PMFBP1: variants seen among roughly 807,000 people sequenced by gnomAD.
PMFBP1 encodes polyamine-modulated factor 1-binding protein 1.
A neutral mutation model predicts 137.8 loss-of-function variants in PMFBP1; 131 were observed. The ratio of observed to expected loss-of-function variants is 0.95; its 90% CI spans 0.82 to 1.10. The LOEUF is 1.10. Ranked by LOEUF, PMFBP1 falls within the 50% of genes least tolerant of loss-of-function variation. PMFBP1 has a pLI of 0.00. For missense variants in PMFBP1, 1,199 were observed against 1,175.4 expected, an observed-to-expected ratio of 1.02 and a Z score of -0.29; for synonymous variants, 490 against 450.4, an observed-to-expected ratio of 1.09 and a Z score of -1.11.
downstream of PMFBP1, among the ~76,000 whole-genome samples, chr16:72,118,946 C>T (rs1009001106): frequency 2.6e-5 from 4 of 152,084 alleles, no homozygotes; most frequent in African/African-American, 9.7e-5. Context: ...GGTTTAAAAA[C>T]GAATCCAGAA....
chr16:72,236,454 C>A, the PMFBP1 span, among the ~76,000 whole-genome samples: 102 of 152,246 alleles, frequency 6.7e-4, no homozygotes, highest in Admixed American at 3.3e-3. Context: ...AAAAATGTAA[C>A]TATTTTTAAT....
the PMFBP1 span, among the ~76,000 whole-genome samples, chr16:72,249,055 G>A: frequency 6.6e-6 from 1 of 151,754 alleles, no homozygotes; most frequent in East Asian, 1.9e-4. Context: ...CTTTTTGGTT[G>A]TAAGCGATCA....
chr16:72,196,011 G>A, the PMFBP1 span, among the ~76,000 whole-genome samples: 1 of 151,806 alleles, frequency 6.6e-6, no homozygotes, highest in East Asian at 1.9e-4. Context: ...GTGTGTGTGT[G>A]TGTGTGTGTG....
chr16:72,171,325 A>C, intron 1 of PMFBP1, 57 bp from the exon 2 acceptor site: 1 of 1,232,220 alleles, frequency 8.1e-7, no homozygotes, highest in South Asian at 1.3e-5. Context: ...CTGCCCTTTA[A>C]AGATTTTCCC....
chr16:72,200,174 A>G, the PMFBP1 span, among the ~76,000 whole-genome samples: 1 of 152,226 alleles, frequency 6.6e-6, no homozygotes, highest in Non-Finnish European at 1.5e-5. Context: ...AGAGCAGAGG[A>G]GCAGGGTGAC....
chr16:72,130,410 G>C, intron 11 of PMFBP1, 53 bp from the exon 12 acceptor site: 4 of 1,612,258 alleles, frequency 2.5e-6, no homozygotes, highest in Non-Finnish European at 3.4e-6. Flanking sequence ...CATGTGGGCA[G>C]ATTGTGGAGC....
the PMFBP1 span, among the ~76,000 whole-genome samples, chr16:72,242,339 G>C: frequency 6.6e-6 from 1 of 152,088 alleles, no homozygotes. Flanking sequence ...AAGAATGAGA[G>C]GGAAAAATAC....
chr16:72,130,226 C>A lies in PMFBP1; in HGVS notation c.1769G>T (p.Arg590Leu), dbSNP rs138147953. 3 of 1,613,226 alleles carry A rather than the reference C, an allele frequency of 1.9e-6. No individual in the cohort carries two copies. The highest frequency in any genetic ancestry group is 1.3e-5 in the African/African-American group (1 of 75,046). ...TGCCCGTCATACCTGGTGCTTGATA[C>A]GATCAAGCATGTCATTCATTTTCAT... ...QDMKMNDMLD[R>L]IKHQHREQGS... Residue 590 changes from arginine to leucine, a missense_variant, in exon 12 of 21, where the codon CGT becomes CTT. By Grantham distance (102) the Arg-to-Leu change is moderately radical (BLOSUM62 -2). Coordinates refer to ENST00000237353, the MANE Select transcript of PMFBP1 (RefSeq NM_031293.3).
rs748205177 is a variant in PMFBP1 at position 72,171,234 on chromosome 16, T to G, written c.-26A>C. 1.2e-6 allele frequency: 2 copies of G among 1,613,438 alleles called. No individual in the cohort carries two copies. Among genetic ancestry groups the G allele is most frequent in the Non-Finnish European group, 1.7e-6 (2 of 1,179,508 alleles). On this transcript the variant is annotated 5_prime_UTR_variant, in exon 2 of 21. Coordinates refer to ENST00000237353, the MANE Select transcript of PMFBP1 (RefSeq NM_031293.3). ...TTCCTTGGCAGCTCTCAATTCTCCT[T>G]TAACCTTTAGTATTTTCTGAGCTTT...
chr16:72,220,518 T>C, the PMFBP1 span, among the ~76,000 whole-genome samples: 1 of 152,184 alleles, frequency 6.6e-6, no homozygotes, highest in Non-Finnish European at 1.5e-5. Flanking sequence ...CTTTAAGTGG[T>C]AGAGCTTGGT....
At chr16:72,168,683 A>G (rs1309226055) in intron 2 of PMFBP1, among the ~76,000 whole-genome samples, 1 of 152,186 alleles carries the variant, frequency 6.6e-6, no homozygotes, top group Non-Finnish European at 1.5e-5. Context: ...TTTCATTTAC[A>G]TAAGTCATGT....
At chr16:72,235,117 C>A in the PMFBP1 span, among the ~76,000 whole-genome samples, 1 of 152,010 alleles carries the variant, frequency 6.6e-6, no homozygotes, top group African/African-American at 2.4e-5. Flanking sequence ...CATTGCCTAA[C>A]CCAGGGTCAG....
At chr16:72,182,127 G>C in the PMFBP1 span, among the ~76,000 whole-genome samples, 2 of 152,186 alleles carry the variant, frequency 1.3e-5, no homozygotes, top group African/African-American at 4.8e-5. Context: ...CTTTGTATGA[G>C]CCCGTAATTT....
chr16:72,229,529 CTTTTT>C, the PMFBP1 span, among the ~76,000 whole-genome samples: 1 of 151,206 alleles, frequency 6.6e-6, no homozygotes, highest in African/African-American at 2.4e-5. Flanking sequence ...TTTCTTTTTT[CTTTTT>C]AATAATAGGC....
At chr16:72,217,650 G>A in the PMFBP1 span, among the ~76,000 whole-genome samples, 8 of 152,084 alleles carry the variant, frequency 5.3e-5, no homozygotes, top group Non-Finnish European at 1.2e-4. Flanking sequence ...TCAAGAGTTC[G>A]AGACCAGCCT....
chr16:72,118,440 C>G (rs1390273582), downstream of PMFBP1, among the ~76,000 whole-genome samples: 2 of 152,172 alleles, frequency 1.3e-5, no homozygotes, highest in African/African-American at 2.4e-5. Flanking sequence ...ATTTTCTTGG[C>G]CTTTATTAGG....
Position 72,122,943 on chromosome 16 carries a change from T to C in PMFBP1, c.2739A>G (p.Lys913=), listed in dbSNP as rs16973716. 1 of 1,612,938 alleles carries C rather than the reference T, an allele frequency of 6.2e-7. No individual in the cohort carries two copies. Among genetic ancestry groups the C allele is most frequent in the East Asian group, 2.2e-5 (1 of 44,832 alleles). Residue 913 remains lysine, a synonymous_variant, in exon 19 of 21, where the codon AAA becomes AAG. Coordinates refer to ENST00000237353, the MANE Select transcript of PMFBP1 (RefSeq NM_031293.3). ...TTTCGCCACTCAGCTTGGCAATGTA[T>C]TTCACCTGCTCTCGGAGCTGGTTTC... ...KLGNQLREQV[K]YIAKLSGEKD...
At position 72,126,183 on chromosome 16, in the gene PMFBP1, G is replaced by A. The variant is rs1379959098; in HGVS notation, c.2089-51C>T. ...CAGGGTGCCAGGTCAGGGTCATAGA[G>A]GCATTCTCTGTGCCTATAGGAAATG... On this transcript the variant is annotated intron_variant, in intron 14 of 20. Transcript: ENST00000237353. 3.8e-6 allele frequency: 6 copies of A among 1,587,240 alleles called. No individual in the cohort carries two copies. In the African/African-American group the frequency reaches 8.1e-5, roughly 21 times the overall value.
upstream of PMFBP1, among the ~76,000 whole-genome samples, chr16:72,181,877 C>T (rs1244939194): frequency 6.6e-6 from 1 of 152,106 alleles, no homozygotes; most frequent in African/African-American, 2.4e-5. Context: ...ACAGGGGTGT[C>T]CAATCTTTTG....
Sources: allele counts gnomAD v4.1 joint callset (sites outside exome capture counted in the v4.1 genomes callset), GRCh38; gene constraint gnomAD v4.1.1; transcripts MANE v1.5; gene names NCBI Gene and HGNC (gene_info 2026-07-23, HGNC 2026-07-21).